KCND2: variants seen among roughly 807,000 people sequenced by gnomAD.
KCND2 encodes A-type voltage-gated potassium channel KCND2.
Under a neutral mutation model 54.4 loss-of-function variants are expected in KCND2, and 16 were observed. The observed-to-expected ratio is 0.29, with a 90% CI of 0.20 to 0.45. The LOEUF is 0.45. Among genes scored for constraint, KCND2 ranks in the 20% least tolerant of loss-of-function variants. The pLI, the probability that KCND2 is intolerant of heterozygous loss-of-function variation, is 1.00. For synonymous variants in KCND2, 317 were observed against 310.7 expected, an observed-to-expected ratio of 1.02 and a Z score of -0.21; for missense variants, 486 against 824.2, an observed-to-expected ratio of 0.59 and a Z score of 5.02.
rs1433366394 is a variant in KCND2, at chr7:120,616,334, G to A, written c.1116-116569G>A. 5.3e-5 allele frequency among the ~76,000 whole-genome samples: 8 copies of A among 152,080 alleles called. No individual in the cohort carries two copies. In the South Asian group the frequency reaches 1.0e-3, roughly 20 times the overall value. ...AAAGGCTGTTATGAGGATTAAATGAGGTAACACATATAAAGGTTTTAGCAT... is the reference window on the plus strand; with the variant it reads ...AAAGGCTGTTATGAGGATTAAATGAAGTAACACATATAAAGGTTTTAGCAT... On this transcript the variant is annotated intron_variant, in intron 1 of 5. Coordinates refer to ENST00000331113, the MANE Select transcript of KCND2 (RefSeq NM_012281.3).
Position 120,273,511 on chromosome 7 carries a change from C to T in KCND2, c.-1122C>T, listed in dbSNP as rs1391871451. On this transcript the variant is annotated 5_prime_UTR_variant, in exon 1 of 6. Transcript: ENST00000331113. ...TTGGCAGGAGCGAGTCCCCTCCGTTCTCGCCTCCCCCGCACCTTTTGAACT... is the reference window on the plus strand; with the variant it reads ...TTGGCAGGAGCGAGTCCCCTCCGTTTTCGCCTCCCCCGCACCTTTTGAACT... Among the ~76,000 whole-genome samples, 2 of 151,914 alleles carry T rather than the reference C, an allele frequency of 1.3e-5. No homozygotes were observed. Among genetic ancestry groups the T allele is most frequent in the Non-Finnish European group, 2.9e-5 (2 of 67,922 alleles).
intron 1 of KCND2, among the ~76,000 whole-genome samples, chr7:120,285,105 G>T (rs1202383925): frequency 6.6e-6 from 1 of 152,116 alleles, no homozygotes; most frequent in East Asian, 1.9e-4. Context: ...CGTAGCAGTT[G>T]TAACTTGCAT....
rs377237979 is a variant in KCND2 at position 120,702,108 on chromosome 7, GA to G, written c.1116-30786del. On this transcript the variant is annotated intron_variant, in intron 1 of 5. Coordinates refer to ENST00000331113, the MANE Select transcript of KCND2 (RefSeq NM_012281.3). Reference sequence around the variant, plus strand: ...GAGAGGAACTTAAACAAATTTACAAGAAAAAAAAACATTAAAAAGTGGGCAA... The same window carrying G: ...GAGAGGAACTTAAACAAATTTACAAGAAAAAAAACATTAAAAAGTGGGCAA... 1.5e-4 allele frequency among the ~76,000 whole-genome samples: 22 copies of G among 149,808 alleles called. 1 individual carries two copies. The East Asian group carries it at 2.7e-3, about 19-fold the overall frequency.
At chr7:120,467,820 T>A (rs966212133) in intron 1 of KCND2, among the ~76,000 whole-genome samples, 1 of 152,122 alleles carries the variant, frequency 6.6e-6, no homozygotes, top group African/African-American at 2.4e-5. Flanking sequence ...TGGGTGTTGA[T>A]GCCTAATACA....
At chr7:120,655,613 T>C (rs1473927485) in intron 1 of KCND2, among the ~76,000 whole-genome samples, 1 of 152,092 alleles carries the variant, frequency 6.6e-6, no homozygotes, top group Non-Finnish European at 1.5e-5. Context: ...CAAACTCTCA[T>C]GCTCAAGTAT....
chr7:120,465,321 G>A (rs569203097), intron 1 of KCND2, among the ~76,000 whole-genome samples: 4 of 151,748 alleles, frequency 2.6e-5, no homozygotes, highest in Non-Finnish European at 4.4e-5. Flanking sequence ...ATGTGTAATC[G>A]GTGTACCAAA....
At chr7:120,324,219 G>A (rs1799939908) in intron 1 of KCND2, among the ~76,000 whole-genome samples, 3 of 150,162 alleles carry the variant, frequency 2.0e-5, no homozygotes, top group African/African-American at 4.9e-5. Context: ...AGATGAGTAG[G>A]TTGCAAAAAT....
intron 1 of KCND2, among the ~76,000 whole-genome samples, chr7:120,376,097 G>A (rs1800832189): frequency 6.6e-6 from 1 of 151,616 alleles, no homozygotes; most frequent in African/African-American, 2.4e-5. Flanking sequence ...AACTATTAAA[G>A]ATAATAGTTT....
At chr7:120,347,512 C>T (rs575441720) in intron 1 of KCND2, among the ~76,000 whole-genome samples, 22 of 152,276 alleles carry the variant, frequency 1.4e-4, no homozygotes, top group African/African-American at 4.6e-4. Flanking sequence ...AACCCCAGCA[C>T]TTTGGGAGGC....
chr7:120,514,992 G>A (rs943844094), intron 1 of KCND2, among the ~76,000 whole-genome samples: 2 of 151,948 alleles, frequency 1.3e-5, no homozygotes, highest in African/African-American at 4.8e-5. Flanking sequence ...TACTTAAAAT[G>A]CATTCTTATT....
intron 1 of KCND2, among the ~76,000 whole-genome samples, chr7:120,532,347 C>T (rs1791853139): frequency 6.6e-6 from 1 of 151,570 alleles, no homozygotes; most frequent in Non-Finnish European, 1.5e-5. Context: ...TCAGTTAAAC[C>T]TATAGTTTAT....
At chr7:120,551,961 A>G (rs775959999) in intron 1 of KCND2, among the ~76,000 whole-genome samples, 40 of 152,176 alleles carry the variant, frequency 2.6e-4, no homozygotes, top group Non-Finnish European at 5.0e-4. Context: ...TGTTGTTGCA[A>G]TGCATTTCTC....
At chr7:120,321,305 ATTTTG>A (rs998838242) in intron 1 of KCND2, among the ~76,000 whole-genome samples, 2 of 151,884 alleles carry the variant, frequency 1.3e-5, no homozygotes, top group Non-Finnish European at 2.9e-5. Context: ...TTTGGATTTT[ATTTTG>A]TTTTGTTTTG....
chr7:120,615,418 C>A (rs149955866), intron 1 of KCND2, among the ~76,000 whole-genome samples: 6 of 152,270 alleles, frequency 3.9e-5, no homozygotes, highest in Non-Finnish European at 7.4e-5. Flanking sequence ...ATAAAGATTT[C>A]ACTATATAGC....
At chr7:120,516,277 A>G (rs1327812382) in intron 1 of KCND2, among the ~76,000 whole-genome samples, 1 of 152,106 alleles carries the variant, frequency 6.6e-6, no homozygotes, top group East Asian at 1.9e-4. Context: ...TATTATGTTT[A>G]TTACAATACA....
chr7:120,487,384 G>A (rs1022827030), intron 1 of KCND2, among the ~76,000 whole-genome samples: 2 of 151,968 alleles, frequency 1.3e-5, no homozygotes, highest in Admixed American at 6.6e-5. Flanking sequence ...TGAAGAAAGT[G>A]AAAGAAATGG....
intron 1 of KCND2, among the ~76,000 whole-genome samples, chr7:120,527,740 A>G (rs1389590575): frequency 6.6e-6 from 1 of 152,154 alleles, no homozygotes; most frequent in Non-Finnish European, 1.5e-5. Context: ...GAAAGCAAAA[A>G]TGTAAGTATA....
chr7:120,618,888 G>A (rs185723170), intron 1 of KCND2, among the ~76,000 whole-genome samples: 1 of 151,966 alleles, frequency 6.6e-6, no homozygotes, highest in East Asian at 1.9e-4. Context: ...GTGTTGCACA[G>A]GCTAGATTTG....
chr7:120,315,822 T>C (rs1041489989), intron 1 of KCND2, among the ~76,000 whole-genome samples: 1 of 148,672 alleles, frequency 6.7e-6, no homozygotes, highest in Non-Finnish European at 1.5e-5. Flanking sequence ...GTGTGTAATA[T>C]TTGAGATTTT....
Sources: allele counts gnomAD v4.1 joint callset (sites outside exome capture counted in the v4.1 genomes callset), GRCh38; gene constraint gnomAD v4.1.1; transcripts MANE v1.5; gene names NCBI Gene and HGNC (gene_info 2026-07-23, HGNC 2026-07-21).